Variants in SNTA1 observed in about 807,000 individuals in gnomAD.
SNTA1 encodes alpha-1-syntrophin.
A neutral mutation model predicts 47.1 loss-of-function variants in SNTA1; 31 were observed. That is an observed-to-expected ratio of 0.66 (90% CI 0.49 to 0.89). The LOEUF (loss-of-function observed/expected upper bound fraction) is 0.89, where lower values mean the gene tolerates loss of function less well. Among genes scored for constraint, SNTA1 ranks in the 40% least tolerant of loss-of-function variants. The probability of loss-of-function intolerance (pLI) is 0.00; values close to 1 mark genes in which losing one functional copy is unlikely to be tolerated. For missense variants in SNTA1, 575 were observed against 693.0 expected (o/e 0.83, Z 1.91); for synonymous variants, 300 against 313.6 (o/e 0.96, Z 0.46).
At position 33,408,572 on chromosome 20, in the gene SNTA1, T is replaced by C; in HGVS notation, c.1453A>G (p.Thr485Ala). The C allele has an allele frequency of 6.2e-7, 1 of 1,613,848 alleles. No homozygotes were observed. The change falls in exon 8 of 8, where the codon ACC becomes GCC. Residue 485 changes from threonine (T) to alanine (A), a missense_variant. Transcript: ENST00000217381. ...AAGGAGTGGATGATGAAGACTATGG[T>C]TTTGGGACACGAGTGCAGGTCCAGC... ...IQLDLHSCPK[T>A]IVFIIHSFLS...
chr20:33,429,035 G>T (rs1027792487), intron 2 of SNTA1, among the ~76,000 whole-genome samples: 2 of 150,784 alleles, frequency 1.3e-5, no homozygotes, highest in Non-Finnish European at 3.0e-5. Flanking sequence ...AGCAAGACTC[G>T]GTCTCAAAAA....
rs2146815323 is a variant in SNTA1 at position 33,443,587 on chromosome 20, G to A, written c.34C>T (p.Leu12=). 4 of 1,266,118 alleles carry A rather than the reference G, an allele frequency of 3.2e-6. No individual in the cohort carries two copies. Among genetic ancestry groups the A allele is most frequent in the Non-Finnish European group, 3.0e-6 (3 of 1,004,518 alleles). 78.4% of individuals were successfully genotyped at this position (1,266,118 alleles called of 1,614,324 possible). A position where few individuals can be genotyped will look rare whatever the true frequency, so the allele number is the denominator to read the frequency against. ...ASGRRAPRTG[L]LELRAGAGSG... ...CCCGCCCCGGCGCGCAGCTCCAGCAGCCCGGTGCGCGGGGCGCGCCTGCCG... is the reference window on the plus strand; with the variant it reads ...CCCGCCCCGGCGCGCAGCTCCAGCAACCCGGTGCGCGGGGCGCGCCTGCCG... The change falls in exon 1 of 8, where the codon CTG becomes TTG. Residue 12 remains leucine (L), a synonymous_variant. Transcript: ENST00000217381.
intron 2 of SNTA1, among the ~76,000 whole-genome samples, chr20:33,421,356 A>G (rs1174829218): frequency 6.6e-6 from 1 of 152,094 alleles, no homozygotes; most frequent in Non-Finnish European, 1.5e-5. Context: ...TCACGCCTGT[A>G]ATCCCAGCAC....
intron 2 of SNTA1, among the ~76,000 whole-genome samples, chr20:33,421,592 A>C (rs1380854483): frequency 6.6e-6 from 1 of 152,028 alleles, no homozygotes; most frequent in African/African-American, 2.4e-5. Context: ...AGCCTGGGCA[A>C]CAAGAGTGAA....
At position 33,417,714 on chromosome 20, in the gene SNTA1, C is replaced by T; in HGVS notation, c.701+5G>A. 1 of 1,612,042 alleles carries T rather than the reference C, an allele frequency of 6.2e-7. No homozygotes were observed. Among genetic ancestry groups the T allele is most frequent in the Non-Finnish European group, 8.5e-7 (1 of 1,178,116 alleles). On this transcript the variant is annotated splice_donor_5th_base_variant and intron_variant, in intron 3 of 7. Coordinates refer to ENST00000217381, the MANE Select transcript of SNTA1 (RefSeq NM_003098.3). The stretch of plus-strand genomic sequence containing the variant: ...CATCTGAGTTGCTCCCAACCCCAGC[C>T]TTACCTGGGCTCCGGGTCATTGGGG...
At chr20:33,431,431 T>A (rs969451563) in intron 2 of SNTA1, among the ~76,000 whole-genome samples, 3 of 151,790 alleles carry the variant, frequency 2.0e-5, no homozygotes, top group African/African-American at 7.3e-5. Context: ...TTCACAGGGA[T>A]GACATTGAGG....
intron 3 of SNTA1, among the ~76,000 whole-genome samples, chr20:33,416,836 G>A (rs1287493432): frequency 2.0e-5 from 3 of 151,694 alleles, no homozygotes; most frequent in African/African-American, 7.3e-5. Context: ...AGCTACTTGG[G>A]AGGCTGAGGG....
At chr20:33,428,731 T>C (rs1479082774) in intron 2 of SNTA1, among the ~76,000 whole-genome samples, 4 of 152,068 alleles carry the variant, frequency 2.6e-5, no homozygotes, top group Admixed American at 2.0e-4. Context: ...CACAACACTA[T>C]GCCCAGCTAA....
chr20:33,427,570 C>G (rs1007556988), intron 2 of SNTA1, among the ~76,000 whole-genome samples: 1 of 152,158 alleles, frequency 6.6e-6, no homozygotes, highest in Non-Finnish European at 1.5e-5. Context: ...GATAAAATCT[C>G]ACCTTACCAC....
chr20:33,430,100 C>T (rs1568758007), intron 2 of SNTA1, among the ~76,000 whole-genome samples: 1 of 152,044 alleles, frequency 6.6e-6, no homozygotes, highest in African/African-American at 2.4e-5. Flanking sequence ...AGAGATAATG[C>T]TCGTATCAAC....
chr20:33,414,885 CAT>C (rs1164336860), intron 3 of SNTA1, among the ~76,000 whole-genome samples: 13 of 152,198 alleles, frequency 8.5e-5, no homozygotes, highest in Non-Finnish European at 1.8e-4. Context: ...TCTTTTTAAA[CAT>C]GTGGGAAAAT....
rs188101429 is a variant in SNTA1 at position 33,415,975 on chromosome 20, G to T, written c.701+1744C>A. Among the ~76,000 whole-genome samples, 5 of 152,196 alleles carry T rather than the reference G, an allele frequency of 3.3e-5. No homozygotes were observed. The East Asian group carries it at 9.7e-4, about 29-fold the overall frequency. Reference sequence around the variant, plus strand: ...AATACAAAATTAGCTGGGCATGTTGGCAGGTGCCTGTAATCCCAGCTACTC... The same window carrying T: ...AATACAAAATTAGCTGGGCATGTTGTCAGGTGCCTGTAATCCCAGCTACTC... On this transcript the variant is annotated intron_variant, in intron 3 of 7. Transcript: ENST00000217381.
chr20:33,435,459 G>A (rs1438022975), intron 2 of SNTA1, among the ~76,000 whole-genome samples: 2 of 151,978 alleles, frequency 1.3e-5, no homozygotes, highest in African/African-American at 2.4e-5. Flanking sequence ...TAACCAGGCC[G>A]TGGTGGTGCA....
chr20:33,419,807 G>C (rs941235830), intron 2 of SNTA1, among the ~76,000 whole-genome samples: 29 of 152,088 alleles, frequency 1.9e-4, no homozygotes, highest in African/African-American at 6.8e-4. Context: ...AGGGGCAAAT[G>C]ATACAGTTCT....
chr20:33,429,191 G>T lies in SNTA1; in HGVS notation c.496+9650C>A, dbSNP rs934438547. Among the ~76,000 whole-genome samples the T allele has an allele frequency of 4.0e-5, 6 of 151,694 alleles. No individual in the cohort carries two copies. The East Asian group carries it at 1.2e-3, about 29-fold the overall frequency. ...CCACCTATACTATATACAGAAATTA[G>T]CCAGGCATGGTGGCACATGCCTGTG... On this transcript the variant is annotated intron_variant, in intron 2 of 7. Transcript: ENST00000217381.
At chr20:33,436,430 CTT>C (rs1161286065) in intron 2 of SNTA1, among the ~76,000 whole-genome samples, 2 of 152,108 alleles carry the variant, frequency 1.3e-5, no homozygotes, top group Non-Finnish European at 2.9e-5. Context: ...GGGAAAGTCT[CTT>C]ATATCCATAT....
Position 33,410,164 on chromosome 20 carries a change from G to A in SNTA1, c.1208C>T (p.Ala403Val). 1 of 1,614,184 alleles carries A rather than the reference G, an allele frequency of 6.2e-7. No homozygotes were observed. The highest frequency in any genetic ancestry group is 1.1e-5 in the South Asian group (1 of 91,080). ...AGACACCTCCTGCACACCCTCGGCG[G>A]CCCGGTGACAGCCATCCACAAGCTG... is the stretch of plus-strand genomic sequence containing the variant. The part of the protein sequence containing the change: ...TRQLVDGCHR[A>V]AEGVQEVSTA... The change falls in exon 6 of 8, where the codon GCC (alanine) becomes GTC (valine). Residue 403 changes from alanine (A) to valine (V), a missense_variant. By Grantham distance (64) the Ala-to-Val change is moderately conservative. Coordinates refer to ENST00000217381, the MANE Select transcript of SNTA1 (RefSeq NM_003098.3).
intron 4 of SNTA1, 29 bp from the exon 5 acceptor site, chr20:33,412,455 G>A: frequency 6.2e-7 from 1 of 1,609,514 alleles, no homozygotes; most frequent in Non-Finnish European, 8.5e-7. Flanking sequence ...CAGTGAGGAT[G>A]GGTGGGGGAA....
chr20:33,426,175 G>A (rs574651572), intron 2 of SNTA1, among the ~76,000 whole-genome samples: 20 of 151,890 alleles, frequency 1.3e-4, no homozygotes, highest in African/African-American at 4.1e-4. Flanking sequence ...TGGGCCAGGC[G>A]CAGTGACTCA....
Sources: gnomAD v4.1 joint callset for allele counts (sites outside exome capture counted in the v4.1 genomes callset) on GRCh38, gnomAD v4.1.1 for gene constraint, MANE v1.5 for transcripts, NCBI Gene and HGNC (gene_info 2026-07-23, HGNC 2026-07-21) for gene names.